The following TTC39A variants were observed in gnomAD, a reference collection of about 807,000 sequenced individuals.
The protein encoded by TTC39A is tetratricopeptide repeat protein 39A.
In TTC39A, 46 loss-of-function variants were observed where a neutral mutation model predicts 82.3. The observed-to-expected ratio is 0.56, with a 90% CI of 0.44 to 0.71. The LOEUF is 0.71. Among genes scored for constraint, TTC39A ranks in the 30% least tolerant of loss-of-function variants. TTC39A has a pLI of 0.00. For missense variants in TTC39A, 543 were observed against 712.9 expected, an observed-to-expected ratio of 0.76 and a Z score of 2.71; for synonymous variants, 254 against 275.2, an observed-to-expected ratio of 0.92 and a Z score of 0.76.
At chr1:51,334,141 A>G (rs1570021057), upstream of TTC39A, among the ~76,000 whole-genome samples, 1 of 148,386 alleles carries the variant, frequency 6.7e-6, no homozygotes, top group East Asian at 2.1e-4. Context: ...GGTGGATTGC[A>G]TGAGCCCAGG....
In TTC39A at chr1:51,302,517, G is replaced by A. The variant is rs367944910; in HGVS notation, c.820C>T (p.Arg274Trp). Residue 274 changes from arginine (R) to tryptophan (W), a missense_variant, in exon 10 of 18, where the codon CGG (arginine) becomes TGG (tryptophan). Transcript: ENST00000680483. ...CACATGGGGCTCACCTTAGGGTACC[G>A]GTTCAGGTAGGGCTTCAAGAGCTTC... ...AEKLLKPYLN[R>W]YPKGAIFLFF... 198 of 1,609,142 alleles carry A rather than the reference G, an allele frequency of 1.2e-4. No individual in the cohort carries two copies. Among genetic ancestry groups the A allele is most frequent in the African/African-American group, 3.6e-4 (27 of 74,766 alleles).
rs765964074 is a variant in TTC39A at position 51,303,163 on chromosome 1, T to C, written c.684A>G (p.Gly228=). The part of the protein sequence containing the change: ...KDYGLLQLEE[G]ASGHSFRSVL... Reference sequence around the variant, plus strand: ...CAGAGCGGAAGCTGTGCCCTGACGCTCCCTCCTCCAGCTGCAGCAGCCCAT... The same window carrying C: ...CAGAGCGGAAGCTGTGCCCTGACGCCCCCTCCTCCAGCTGCAGCAGCCCAT... Residue 228 remains glycine (G), a synonymous_variant, in exon 9 of 18, where the codon GGA becomes GGG. Transcript: ENST00000680483. 4.7e-6 allele frequency: 6 copies of C among 1,281,282 alleles called. No homozygotes were observed. The highest frequency in any genetic ancestry group is 3.2e-5 in the African/African-American group (2 of 62,102). The allele number at this position is 1,281,282 out of a possible 1,614,324, so 79.4% of individuals were successfully genotyped here.
chr1:51,305,964 G>A lies in TTC39A; in HGVS notation c.588+13C>T, dbSNP rs1252445200. On this transcript the variant is annotated intron_variant, in intron 7 of 17. Coordinates refer to ENST00000680483, the MANE Select transcript of TTC39A (RefSeq NM_001297663.2). ...CAAGCCAGGTGCTGTGGAAATGGAG[G>A]AGGAGCACTCACCAGGTTGAAGGCC... The A allele has an allele frequency of 1.2e-6, 2 of 1,612,834 alleles. No homozygotes were observed. The highest frequency in any genetic ancestry group is 1.7e-6 in the Non-Finnish European group (2 of 1,178,844).
intron 1 of TTC39A, among the ~76,000 whole-genome samples, chr1:51,342,011 G>T (rs1045782947): frequency 1.3e-5 from 2 of 152,174 alleles, no homozygotes; most frequent in African/African-American, 4.8e-5. Context: ...TCTTGAGGAG[G>T]CCCCTCCCTC....
intron 14 of TTC39A, 132 bp from the exon 15 acceptor site, chr1:51,290,757 C>T: frequency 1.5e-6 from 1 of 674,022 alleles, no homozygotes; most frequent in Non-Finnish European, 2.5e-6. Flanking sequence ...CATGACAGGT[C>T]TCAGTCAGCC....
intron 11 of TTC39A, 134 bp from the exon 12 acceptor site, chr1:51,301,867 G>T: frequency 7.3e-7 from 1 of 1,363,784 alleles, no homozygotes; most frequent in Non-Finnish European, 9.8e-7. Context: ...CTAGGCTCAG[G>T]TGGGGCCCCA....
intron 2 of TTC39A, among the ~76,000 whole-genome samples, chr1:51,313,560 C>T (rs536267086): frequency 1.3e-5 from 2 of 152,298 alleles, no homozygotes; most frequent in African/African-American, 4.8e-5. Flanking sequence ...CTCCAGCCCT[C>T]TTGATGTTTC....
chr1:51,303,463 C>A (rs1644755930), intron 8 of TTC39A, among the ~76,000 whole-genome samples: 1 of 152,230 alleles, frequency 6.6e-6, no homozygotes, highest in Non-Finnish European at 1.5e-5. Context: ...CCCAGCCTCC[C>A]TGTAGTCACG....
At chr1:51,343,164 T>G in intron 1 of TTC39A, 1 of 435,500 alleles carries the variant, frequency 2.3e-6, no homozygotes, top group Non-Finnish European at 4.8e-6. Flanking sequence ...AAATGCACTC[T>G]GAGCCCCATT....
chr1:51,313,675 C>T lies in TTC39A; in HGVS notation c.147-732G>A, dbSNP rs1264463265. Among the ~76,000 whole-genome samples the T allele has an allele frequency of 3.3e-5, 5 of 152,164 alleles. No individual in the cohort carries two copies. The East Asian group carries it at 9.6e-4, about 29-fold the overall frequency. On this transcript the variant is annotated intron_variant, in intron 2 of 17. Transcript: ENST00000680483. ...AAATCCCACATTTCCCTCCTCCAGG[C>T]CTTTGCCCAGCCTGTTCCCTCAGAT...
At chr1:51,340,240 C>T (rs1646018261) in intron 1 of TTC39A, among the ~76,000 whole-genome samples, 1 of 152,146 alleles carries the variant, frequency 6.6e-6, no homozygotes, top group Admixed American at 6.5e-5. Context: ...AGTGCCTCAG[C>T]GACCATTCCC....
chr1:51,315,610 TC>T (rs1645254596), intron 2 of TTC39A, among the ~76,000 whole-genome samples: 1 of 152,152 alleles, frequency 6.6e-6, no homozygotes, highest in Non-Finnish European at 1.5e-5. Flanking sequence ...TGTCTTCCTC[TC>T]CAGCCCAAGT....
Position 51,288,077 on chromosome 1 carries a change from G to C in TTC39A, c.*80C>G, listed in dbSNP as rs1644054388. Reference sequence around the variant, plus strand: ...TGGACCCCAAAGGCAGGGCAGGGCAGGGGGAGGGGGTATTTTGAAATGTTT... The same window carrying C: ...TGGACCCCAAAGGCAGGGCAGGGCACGGGGAGGGGGTATTTTGAAATGTTT... On this transcript the variant is annotated 3_prime_UTR_variant, in exon 18 of 18. Transcript: ENST00000680483. The surrounding 1 kb of genome is among the most constrained non-coding windows in gnomAD (Gnocchi z 4.8). 11 of 1,567,916 alleles carry C rather than the reference G, an allele frequency of 7.0e-6. No homozygotes were observed. Among genetic ancestry groups the C allele is most frequent in the South Asian group, 2.3e-5 (2 of 85,442 alleles).
At chr1:51,308,730 C>G (rs1292808153) in intron 6 of TTC39A, among the ~76,000 whole-genome samples, 2 of 152,082 alleles carry the variant, frequency 1.3e-5, no homozygotes, top group African/African-American at 2.4e-5. Flanking sequence ...TGTCAAGGAT[C>G]CAGAGATAGC....
At chr1:51,298,634 CCT>C (rs1228688383) in intron 12 of TTC39A, 1 of 152,382 alleles carries the variant, frequency 6.6e-6, no homozygotes, top group Non-Finnish European at 1.5e-5. Flanking sequence ...AGCTGTCACC[CCT>C]GATGCAAGCC....
exon 1 of TTC39A, chr1:51,345,108 G>A (rs1646082529): frequency 8.3e-7 from 1 of 1,200,130 alleles, no homozygotes; most frequent in Non-Finnish European, 1.1e-6. Context: ...CGGCCGTGGA[G>A]GCTACAGTGG....
intron 2 of TTC39A, among the ~76,000 whole-genome samples, chr1:51,316,481 C>T (rs949411000): frequency 2.8e-4 from 42 of 152,178 alleles, no homozygotes; most frequent in African/African-American, 9.9e-4. Context: ...AGCCTGCCAA[C>T]CTTCTGCTGA....
chr1:51,325,110 T>A (rs1163260029), intron 1 of TTC39A, among the ~76,000 whole-genome samples: 1 of 151,862 alleles, frequency 6.6e-6, no homozygotes, highest in Non-Finnish European at 1.5e-5. Flanking sequence ...CAATATTAAC[T>A]GGGCGTGGTG....
rs1403824778 is a variant in TTC39A at position 51,290,028 on chromosome 1, C to A, written c.1470G>T (p.Glu490Asp). 3 of 1,613,622 alleles carry A rather than the reference C, an allele frequency of 1.9e-6. No individual in the cohort carries two copies. The African/African-American group carries it at 4.0e-5, about 22-fold the overall frequency. Residue 490 changes from glutamate to aspartate, a missense_variant, in exon 16 of 18, where the codon GAG becomes GAT. Coordinates refer to ENST00000680483, the MANE Select transcript of TTC39A (RefSeq NM_001297663.2). Reference sequence around the variant, plus strand: ...ACTTGGCAGAGATGCTCCTAAAATTCTCCTCGGCCTCCTGGACACGGCCCA... The same window carrying A: ...ACTTGGCAGAGATGCTCCTAAAATTATCCTCGGCCTCCTGGACACGGCCCA... ...KYLGRVQEAE[E>D]NFRSISANEK...
Sources: gnomAD v4.1 joint callset for allele counts (sites outside exome capture counted in the v4.1 genomes callset) on GRCh38, gnomAD v4.1.1 for gene constraint, Gnocchi (gnomAD v3.1) non-coding constraint, MANE v1.5 for transcripts, NCBI Gene and HGNC (gene_info 2026-07-23, HGNC 2026-07-21) for gene names.